The following PLEKHG1 variants were observed in gnomAD, a reference collection of about 807,000 sequenced individuals.
PLEKHG1 encodes the protein pleckstrin homology domain-containing family G member 1.
Under a neutral mutation model 100.8 loss-of-function variants are expected in PLEKHG1, and 44 were observed. The ratio of observed to expected loss-of-function variants is 0.44; its 90% CI spans 0.34 to 0.56. The LOEUF is 0.56. Among genes scored for constraint, PLEKHG1 ranks in the 20% least tolerant of loss-of-function variants. PLEKHG1 has a pLI of 0.01. For missense variants in PLEKHG1, 1,545 were observed against 1,720.9 expected (o/e 0.90, Z 1.81); for synonymous variants, 640 against 662.5 (o/e 0.97, Z 0.52).
chr6:150,793,920 A>G (rs548384371), intron 4 of PLEKHG1, among the ~76,000 whole-genome samples: 1 of 152,214 alleles, frequency 6.6e-6, no homozygotes, highest in East Asian at 1.9e-4. Flanking sequence ...CATCTCCACT[A>G]AAAATGCAAA....
At chr6:150,751,003 C>G (rs909230649) in intron 2 of PLEKHG1, among the ~76,000 whole-genome samples, 2 of 151,980 alleles carry the variant, frequency 1.3e-5, no homozygotes, top group Non-Finnish European at 2.9e-5. Context: ...TTAGATCATC[C>G]GTGTACAATG....
intron 7 of PLEKHG1, among the ~76,000 whole-genome samples, chr6:150,807,262 T>G (rs766717538): frequency 9.2e-5 from 14 of 152,204 alleles, no homozygotes; most frequent in Non-Finnish European, 1.9e-4. Context: ...CTATCCCCAG[T>G]TCCGGTAATC....
At chr6:150,769,931 T>C (rs1784632870) in intron 3 of PLEKHG1, among the ~76,000 whole-genome samples, 1 of 152,158 alleles carries the variant, frequency 6.6e-6, no homozygotes, top group Admixed American at 6.6e-5. Context: ...CACAAAACAT[T>C]TGCTCCACAA....
At chr6:150,805,652 T>C (rs1787034880) in intron 7 of PLEKHG1, among the ~76,000 whole-genome samples, 1 of 151,878 alleles carries the variant, frequency 6.6e-6, no homozygotes, top group Non-Finnish European at 1.5e-5. Flanking sequence ...CTCAGCCTCC[T>C]TGGTAGTTGG....
chr6:150,779,588 C>T (rs552915479), intron 3 of PLEKHG1, among the ~76,000 whole-genome samples: 14 of 151,768 alleles, frequency 9.2e-5, no homozygotes, highest in African/African-American at 2.4e-4. Context: ...TCAGGTGATC[C>T]GCCCGCCTCG....
At chr6:150,760,771 C>G (rs1192641081) in intron 2 of PLEKHG1, among the ~76,000 whole-genome samples, 1 of 151,780 alleles carries the variant, frequency 6.6e-6, no homozygotes, top group Non-Finnish European at 1.5e-5. Context: ...CAACTGTCTA[C>G]CTCTGTCAGT....
intron 4 of PLEKHG1, among the ~76,000 whole-genome samples, chr6:150,794,632 A>C (rs994651891): frequency 2.6e-5 from 4 of 152,164 alleles, no homozygotes; most frequent in African/African-American, 9.7e-5. Flanking sequence ...GCGCCACTGC[A>C]CTGCAGCCTG....
intron 3 of PLEKHG1, among the ~76,000 whole-genome samples, chr6:150,699,197 T>C (rs762318402): frequency 1.1e-4 from 16 of 152,162 alleles, no homozygotes; most frequent in Non-Finnish European, 2.2e-4. Context: ...CTTTGTACGT[T>C]TTTGGTTTGG....
chr6:150,765,463 C>T (rs1232411368), intron 2 of PLEKHG1, among the ~76,000 whole-genome samples: 1 of 144,648 alleles, frequency 6.9e-6, no homozygotes, highest in African/African-American at 2.7e-5. Context: ...CACTGCACTC[C>T]AGCTTGGGTG....
intron 10 of PLEKHG1, among the ~76,000 whole-genome samples, chr6:150,814,444 T>C (rs2128673373): frequency 6.6e-6 from 1 of 152,392 alleles, no homozygotes; most frequent in South Asian, 2.1e-4. Flanking sequence ...CGATCCTTTC[T>C]ATCTAAAAAC....
Position 150,618,898 on chromosome 6 carries a change from G to A in PLEKHG1, c.-204+18881G>A, listed in dbSNP as rs1777179462. ...ATTCGAGACTAGCTTGGACAGCATA[G>A]CAAGACCCTGTCTCTATAAAGAAAA... On this transcript the variant is annotated intron_variant, in intron 1 of 3. Coordinates refer to the PLEKHG1 transcript ENST00000367326. Among the ~76,000 whole-genome samples the A allele has an allele frequency of 2.6e-5, 4 of 152,128 alleles. No individual in the cohort carries two copies. In the South Asian group the frequency reaches 8.3e-4, roughly 32 times the overall value.
At chr6:150,730,224 C>T (rs920434203) in intron 1 of PLEKHG1, among the ~76,000 whole-genome samples, 1 of 151,524 alleles carries the variant, frequency 6.6e-6, no homozygotes, top group Non-Finnish European at 1.5e-5. Context: ...ATGTGCAGAT[C>T]TGTAGGGGGT....
At chr6:150,821,955 C>T (rs1261442727) in intron 13 of PLEKHG1, among the ~76,000 whole-genome samples, 1 of 150,452 alleles carries the variant, frequency 6.6e-6, no homozygotes, top group East Asian at 2.0e-4. Context: ...GATTCTCCTG[C>T]CTCAGCCTCC....
intron 1 of PLEKHG1, among the ~76,000 whole-genome samples, chr6:150,626,309 C>T (rs189633364): frequency 2.6e-3 from 395 of 152,324 alleles, no homozygotes; most frequent in Middle Eastern, 0.014. Context: ...AGGGTGTTAT[C>T]TTCAGAGGCC....
chr6:150,643,078 A>G (rs1239556793), intron 2 of PLEKHG1, among the ~76,000 whole-genome samples: 2 of 152,190 alleles, frequency 1.3e-5, no homozygotes, highest in Non-Finnish European at 2.9e-5. Flanking sequence ...TGTAAGTATG[A>G]AAAACAGAGA....
At chr6:150,735,893 G>T (rs568426276) in intron 2 of PLEKHG1, among the ~76,000 whole-genome samples, 5 of 152,282 alleles carry the variant, frequency 3.3e-5, no homozygotes, top group African/African-American at 1.2e-4. Flanking sequence ...GAAGAAACAG[G>T]TAAGAGATGA....
At chr6:150,606,958 A>C (rs1223238051) in intron 1 of PLEKHG1, among the ~76,000 whole-genome samples, 1 of 152,012 alleles carries the variant, frequency 6.6e-6, no homozygotes, top group African/African-American at 2.4e-5. Flanking sequence ...TCTGACAGGG[A>C]GGGTCAGTCA....
rs376124005 is a variant in PLEKHG1 at position 150,645,840 on chromosome 6, A to C, written c.-157-4888A>C. Among the ~76,000 whole-genome samples, 97 of 152,368 alleles carry C rather than the reference A, an allele frequency of 6.4e-4. 2 individuals are homozygous for C. The South Asian group carries it at 0.017, about 26-fold the overall frequency. ...TGAAAAACTTTAGAATTACCAGTAA[A>C]GTTCACCATGTGTATGATGAACAGC... On this transcript the variant is annotated intron_variant, in intron 2 of 3. Transcript: ENST00000367326.
At chr6:150,715,637 G>A (rs1781400435) in intron 3 of PLEKHG1, among the ~76,000 whole-genome samples, 1 of 151,016 alleles carries the variant, frequency 6.6e-6, no homozygotes, top group Admixed American at 6.6e-5. Flanking sequence ...ACAGGCATGC[G>A]CCACCACGCC....
Sources: gnomAD v4.1 joint callset for allele counts (sites outside exome capture counted in the v4.1 genomes callset) on GRCh38, gnomAD v4.1.1 for gene constraint, MANE v1.5 for transcripts, NCBI Gene and HGNC (gene_info 2026-07-23, HGNC 2026-07-21) for gene names.